Variants in INO80 observed in about 807,000 individuals in gnomAD.
The protein encoded by INO80 is chromatin-remodeling ATPase INO80.
In INO80, 20 loss-of-function variants were observed where a neutral mutation model predicts 203.4. The observed-to-expected ratio is 0.10, with a 90% CI of 0.07 to 0.14. The LOEUF (loss-of-function observed/expected upper bound fraction) is 0.14, where lower values mean the gene tolerates loss of function less well. Among genes scored for constraint, INO80 ranks in the 10% least tolerant of loss-of-function variants. The pLI is 1.00. For synonymous variants in INO80, 726 were observed against 685.2 expected, an observed-to-expected ratio of 1.06 and a Z score of -0.93; for missense variants, 1,419 against 1,914.4, an observed-to-expected ratio of 0.74 and a Z score of 4.83.
chr15:41,023,791 A>C (rs1227778576), intron 25 of INO80, among the ~76,000 whole-genome samples: 2 of 145,390 alleles, frequency 1.4e-5, no homozygotes, highest in African/African-American at 2.6e-5. Flanking sequence ...AAACAAAACA[A>C]AACGAAAAAA....
chr15:41,042,038 GA>G, intron 24 of INO80, among the ~76,000 whole-genome samples: 1 of 142,608 alleles, frequency 7.0e-6, no homozygotes, highest in Admixed American at 7.1e-5. Flanking sequence ...TTTTGAGACA[GA>G]ATCTTGCTCT....
At chr15:41,002,394 G>T (rs1002610863) in intron 28 of INO80, among the ~76,000 whole-genome samples, 21 of 144,176 alleles carry the variant, frequency 1.5e-4, no homozygotes, top group African/African-American at 6.2e-4. Flanking sequence ...CCCAAGTTAA[G>T]TAAGATATTT....
rs896051754 is a variant in INO80, at chr15:41,108,094, T to C, written c.-44+7879A>G. 5.9e-5 allele frequency among the ~76,000 whole-genome samples: 9 copies of C among 152,088 alleles called. No individual in the cohort carries two copies. In the East Asian group the frequency reaches 1.7e-3, roughly 29 times the overall value. On this transcript the variant is annotated intron_variant, in intron 1 of 35. Transcript: ENST00000648947. ...CAGCCTTGGCAACAGAGCAATACTA[T>C]GTCTCAAAAAATAAACAAACTTTAC...
At chr15:41,077,576 T>C (rs1378545322) in intron 9 of INO80, among the ~76,000 whole-genome samples, 1 of 152,142 alleles carries the variant, frequency 6.6e-6, no homozygotes, top group African/African-American at 2.4e-5. Flanking sequence ...TGTTTTTTTC[T>C]GAAGAGATGG....
chr15:41,079,053 T>G (rs2045445591), intron 9 of INO80, among the ~76,000 whole-genome samples: 1 of 152,056 alleles, frequency 6.6e-6, no homozygotes, highest in African/African-American at 2.4e-5. Context: ...GAGGCAGAAT[T>G]GCTTGAATGT....
chr15:41,015,975 A>AT, intron 27 of INO80, 113 bp downstream of exon 27: 1 of 834,124 alleles, frequency 1.2e-6, no homozygotes, highest in East Asian at 2.6e-5. Flanking sequence ...AAGAAAAAAG[A>AT]CAAAAGGGAG....
chr15:41,059,464 A>C (rs551407046), intron 15 of INO80, among the ~76,000 whole-genome samples: 1 of 150,984 alleles, frequency 6.6e-6, no homozygotes, highest in Admixed American at 6.6e-5. Flanking sequence ...ATCTCTATAA[A>C]AAATACAAAA....
At chr15:41,100,915 G>A (rs533407474) in intron 1 of INO80, among the ~76,000 whole-genome samples, 8 of 148,848 alleles carry the variant, frequency 5.4e-5, no homozygotes, top group African/African-American at 1.5e-4. Flanking sequence ...TACAATCTCC[G>A]CCTCCTGGGT....
rs776068623 is a variant in INO80, at chr15:40,979,567, G to A, written c.*656C>T. On this transcript the variant is annotated 3_prime_UTR_variant, in exon 36 of 36. Coordinates refer to ENST00000648947, the MANE Select transcript of INO80 (RefSeq NM_017553.3). ...TGGGTGGAAGGTGCTACGGTTGCTG[G>A]TAGGATCTGAAGGTTCTCTTGGTGT... is the stretch of plus-strand genomic sequence containing the variant. 1.3e-5 allele frequency: 2 copies of A among 153,696 alleles called. No individual in the cohort carries two copies. The highest frequency in any genetic ancestry group is 2.1e-4 in the South Asian group (1 of 4,844). The allele number at this position is 153,696 out of a possible 1,614,324, so 9.5% of individuals were successfully genotyped here.
At chr15:41,069,706 G>A (rs1488667636) in intron 13 of INO80, 41 bp from the exon 14 acceptor site, 1 of 1,131,870 alleles carries the variant, frequency 8.8e-7, no homozygotes, top group Admixed American at 2.1e-5. Flanking sequence ...CAGGAAAAGG[G>A]AAGGTATTTA....
At chr15:41,025,425 T>G (rs1032792663) in intron 25 of INO80, among the ~76,000 whole-genome samples, 1 of 152,078 alleles carries the variant, frequency 6.6e-6, no homozygotes, top group Admixed American at 6.6e-5. Context: ...CTTTAAACAC[T>G]GGGAACAGGC....
In INO80 at chr15:41,039,306, T is replaced by C. The variant is rs564538806; in HGVS notation, c.2907+5598A>G. On this transcript the variant is annotated intron_variant, in intron 24 of 35. Transcript: ENST00000648947. The stretch of plus-strand genomic sequence containing the variant: ...AGATCCAATTTAACAATACTATTTC[T>C]ATAAAGTGATCTTCTCCCATCTGAA... Among the ~76,000 whole-genome samples the C allele has an allele frequency of 2.6e-5, 4 of 152,348 alleles. No individual in the cohort carries two copies. The East Asian group carries it at 7.7e-4, about 29-fold the overall frequency.
At chr15:41,080,728 T>C (rs1329142492) in intron 8 of INO80, among the ~76,000 whole-genome samples, 2 of 152,140 alleles carry the variant, frequency 1.3e-5, no homozygotes, top group African/African-American at 4.8e-5. Flanking sequence ...GGCAGGTGCC[T>C]ATAATCCCAG....
chr15:41,087,800 C>A (rs1319662949), intron 5 of INO80, 118 bp from the exon 6 acceptor site: 8 of 986,362 alleles, frequency 8.1e-6, no homozygotes, highest in Non-Finnish European at 1.1e-5. Flanking sequence ...ATTCTTCCCA[C>A]AAAGAGATCA....
chr15:41,047,514 A>C lies in INO80; in HGVS notation c.2642-13T>G, dbSNP rs2044789911. ...TCTTCATTAATACCTGAAATATAAA[A>C]GACAATTTGAAACCCAACAGCAAAC... On this transcript the variant is annotated splice_polypyrimidine_tract_variant and intron_variant, in intron 22 of 35. Transcript: ENST00000648947. 1 of 1,567,442 alleles carries C rather than the reference A, an allele frequency of 6.4e-7. No individual in the cohort carries two copies. Among genetic ancestry groups the C allele is most frequent in the Non-Finnish European group, 8.8e-7 (1 of 1,142,514 alleles).
rs779012490 is a variant in INO80 at position 41,081,071 on chromosome 15, T to G, written c.876A>C (p.Ala292=). 1.3e-6 allele frequency: 2 copies of G among 1,580,362 alleles called. No individual in the cohort carries two copies. The highest frequency in any genetic ancestry group is 1.7e-6 in the Non-Finnish European group (2 of 1,149,970). The change falls in exon 8 of 36, where the codon GCA becomes GCC. Residue 292 remains alanine, a splice_region_variant and synonymous_variant. Coordinates refer to ENST00000648947, the MANE Select transcript of INO80 (RefSeq NM_017553.3). ...TACGAGCTGAAGCTTTCTGCTTATT[T>G]GCCTAAAATATTTAAAAAACAATAT... The part of the protein sequence containing the change: ...LSIVKKELPK[A]NKQKASARNL...
chr15:41,073,782 A>G (rs1237987326), intron 10 of INO80, among the ~76,000 whole-genome samples: 1 of 152,186 alleles, frequency 6.6e-6, no homozygotes, highest in Non-Finnish European at 1.5e-5. Context: ...AAGCTACAAC[A>G]ATCAAGACAA....
rs1566919002 is a variant in INO80, at chr15:41,031,544, GAGGAGGGA to G, written c.2908-3816_2908-3809del. Reference sequence around the variant, plus strand: ...AGGGAGGAAGGAGAAGGGAGGAAGGGAGGAGGGAGGAAGGGAGGAAGGGAGGAAGGGAG... The same window carrying G: ...AGGGAGGAAGGAGAAGGGAGGAAGGGGGAAGGGAGGAAGGGAGGAAGGGAG... On this transcript the variant is annotated intron_variant, in intron 24 of 35. Transcript: ENST00000648947. 9.0e-3 allele frequency among the ~76,000 whole-genome samples: 49 copies of G among 5,416 alleles called. 1 individual carries two copies. Among genetic ancestry groups the G allele is most frequent in the African/African-American group, 0.014 (41 of 2,888 alleles). The allele number at this position is 5,416 out of a possible 152,430, so 3.6% of individuals were successfully genotyped here. A position where few individuals can be genotyped will look rare whatever the true frequency, so the allele number is the denominator to read the frequency against.
At chr15:40,999,218 A>G (rs2043924467) in intron 28 of INO80, 1 of 152,254 alleles carries the variant, frequency 6.6e-6, no homozygotes, top group African/African-American at 2.4e-5. Flanking sequence ...AAAACAAAAA[A>G]CAAAAAACAC....
Sources: allele counts gnomAD v4.1 joint callset (sites outside exome capture counted in the v4.1 genomes callset), GRCh38; gene constraint gnomAD v4.1.1; transcripts MANE v1.5; gene names NCBI Gene and HGNC (gene_info 2026-07-23, HGNC 2026-07-21).